Variants in LINGO2 observed in about 807,000 individuals in gnomAD.
The protein encoded by LINGO2 is leucine-rich repeat and immunoglobulin-like domain-containing nogo receptor-interacting protein 2.
A neutral mutation model predicts 30.6 loss-of-function variants in LINGO2; 14 were observed. The observed-to-expected ratio is 0.46, with a 90% confidence interval of 0.30 to 0.72. The LOEUF is 0.72. Among genes scored for constraint, LINGO2 ranks in the 30% least tolerant of loss-of-function variants. The pLI, the probability that LINGO2 is intolerant of heterozygous loss-of-function variation, is 0.07. For synonymous variants in LINGO2, 317 were observed against 288.5 expected (o/e 1.10, Z -1.00); for missense variants, 729 against 751.7 (o/e 0.97, Z 0.35).
chr9:29,075,190 A>T, the LINGO2 span, among the ~76,000 whole-genome samples: 1 of 152,268 alleles, frequency 6.6e-6, no homozygotes, highest in African/African-American at 2.4e-5. Context: ...TTATATTCAA[A>T]TTTAACAACA....
the LINGO2 span, among the ~76,000 whole-genome samples, chr9:28,870,613 A>G: frequency 6.6e-6 from 1 of 152,136 alleles, no homozygotes; most frequent in African/African-American, 2.4e-5. Flanking sequence ...ACTGTGCCTT[A>G]GTCATCTGGA....
chr9:28,580,400 A>G (rs181448419), intron 1 of LINGO2, among the ~76,000 whole-genome samples: 83 of 152,166 alleles, frequency 5.5e-4, no homozygotes, highest in African/African-American at 1.3e-3. Flanking sequence ...CCTTTCAGCA[A>G]TGTCACAACT....
chr9:29,019,439 A>C, the LINGO2 span, among the ~76,000 whole-genome samples: 1 of 152,174 alleles, frequency 6.6e-6, no homozygotes, highest in African/African-American at 2.4e-5. Context: ...TTTGTTATTT[A>C]TACCCCCCAT....
At chr9:28,331,161 G>A (rs1252431087) in intron 3 of LINGO2, among the ~76,000 whole-genome samples, 1 of 151,816 alleles carries the variant, frequency 6.6e-6, no homozygotes, top group African/African-American at 2.4e-5. Context: ...TATTGGTGAG[G>A]GGTAAAGAAA....
At chr9:28,226,798 C>T (rs1821186156) in intron 4 of LINGO2, among the ~76,000 whole-genome samples, 2 of 152,046 alleles carry the variant, frequency 1.3e-5, no homozygotes, top group Non-Finnish European at 2.9e-5. Context: ...AAGGTCCTTC[C>T]AGGGCTGAAA....
At chr9:28,848,252 G>A in the LINGO2 span, among the ~76,000 whole-genome samples, 16 of 93,206 alleles carry the variant, frequency 1.7e-4, no homozygotes, top group African/African-American at 4.9e-4. Context: ...CTATATATAC[G>A]CATATATAGT....
chr9:28,056,112 G>A (rs73643291), intron 4 of LINGO2, among the ~76,000 whole-genome samples: 1,908 of 152,280 alleles, frequency 0.013, 39 homozygotes, highest in African/African-American at 0.043. Context: ...GGCAACCTCT[G>A]AGCGTCTACC....
At chr9:28,612,655 T>A (rs1037720672) in intron 1 of LINGO2, among the ~76,000 whole-genome samples, 2 of 152,180 alleles carry the variant, frequency 1.3e-5, no homozygotes, top group African/African-American at 4.8e-5. Flanking sequence ...TCCCATTGTA[T>A]CTAGCAAATA....
At chr9:28,516,585 T>G (rs1437616153) in intron 1 of LINGO2, among the ~76,000 whole-genome samples, 4 of 152,178 alleles carry the variant, frequency 2.6e-5, no homozygotes, top group African/African-American at 9.7e-5. Flanking sequence ...CAAGTCTAAA[T>G]AGGTGATGCC....
chr9:28,783,456 T>A, the LINGO2 span, among the ~76,000 whole-genome samples: 7 of 152,188 alleles, frequency 4.6e-5, no homozygotes, highest in Non-Finnish European at 1.0e-4. Flanking sequence ...CTTTTATTTT[T>A]AAAATATTTT....
At chr9:27,944,458 T>G (rs2118175100), downstream of LINGO2, 1 of 152,300 alleles carries the variant, frequency 6.6e-6, no homozygotes, top group South Asian at 2.1e-4. Context: ...ACTGAGAGAT[T>G]CATGTCAAGT....
At chr9:28,406,236 GA>G (rs1441491570) in intron 2 of LINGO2, among the ~76,000 whole-genome samples, 4 of 152,106 alleles carry the variant, frequency 2.6e-5, no homozygotes, top group Non-Finnish European at 4.4e-5. Context: ...AGGAGTTCAA[GA>G]CCAGCCTGGC....
At chr9:29,087,463 A>G in the LINGO2 span, among the ~76,000 whole-genome samples, 1 of 152,198 alleles carries the variant, frequency 6.6e-6, no homozygotes, top group Non-Finnish European at 1.5e-5. Flanking sequence ...AAGCTCAAAG[A>G]TAGTAGGTAA....
At chr9:28,587,618 A>G (rs1320660106) in intron 1 of LINGO2, among the ~76,000 whole-genome samples, 1 of 151,816 alleles carries the variant, frequency 6.6e-6, no homozygotes, top group Non-Finnish European at 1.5e-5. Context: ...TCCTCCTGTC[A>G]TGACTCTTCC....
chr9:28,331,716 G>C (rs1825426215), intron 3 of LINGO2, among the ~76,000 whole-genome samples: 1 of 152,112 alleles, frequency 6.6e-6, no homozygotes, highest in African/African-American at 2.4e-5. Context: ...ATGTTGCCCA[G>C]CCTGGCCTCG....
chr9:28,541,745 C>A (rs773203164), intron 1 of LINGO2, among the ~76,000 whole-genome samples: 7 of 152,118 alleles, frequency 4.6e-5, no homozygotes, highest in Non-Finnish European at 1.0e-4. Flanking sequence ...TTACAGGGAG[C>A]AGATGGCCAA....
chr9:27,993,096 A>C (rs1352525481), intron 5 of LINGO2, among the ~76,000 whole-genome samples: 1 of 152,142 alleles, frequency 6.6e-6, no homozygotes, highest in Non-Finnish European at 1.5e-5. Context: ...CTAATATGCT[A>C]ATTTCACAGA....
At chr9:28,012,792 C>A (rs1380718964) in intron 4 of LINGO2, among the ~76,000 whole-genome samples, 1 of 152,050 alleles carries the variant, frequency 6.6e-6, no homozygotes, top group Non-Finnish European at 1.5e-5. Flanking sequence ...AGCCTACTTT[C>A]TTTTCTTCAC....
chr9:28,172,030 A>AAAAAC lies in LINGO2; in HGVS notation c.-87+123177_-87+123178insGTTTT, dbSNP rs1554682044. Among the ~76,000 whole-genome samples the AAAAAC allele has an allele frequency of 1.6e-4, 12 of 75,126 alleles. No individual in the cohort carries two copies. In the South Asian group the frequency reaches 1.8e-3, roughly 11 times the overall value. 49.3% of individuals were successfully genotyped at this position (75,126 alleles called of 152,430 possible). A position where few individuals can be genotyped will look rare whatever the true frequency, so the allele number is the denominator to read the frequency against. Reference sequence around the variant, plus strand: ...AGACTCCGTCTCAAAAAAAAAAAAAAAAACAAAAAAAAAAACCCAGCATCT... The same window carrying AAAAAC: ...AGACTCCGTCTCAAAAAAAAAAAAAAAAAACAAACAAAAAAAAAAACCCAGCATCT... On this transcript the variant is annotated intron_variant, in intron 4 of 5. Coordinates refer to ENST00000379992, the Ensembl canonical transcript of LINGO2.
Sources: allele counts gnomAD v4.1 joint callset (sites outside exome capture counted in the v4.1 genomes callset), GRCh38; gene constraint gnomAD v4.1.1; transcripts MANE v1.5; gene names NCBI Gene and HGNC (gene_info 2026-07-23, HGNC 2026-07-21).